Variants in CC2D2B observed in about 807,000 individuals in gnomAD.
The protein encoded by CC2D2B is coiled-coil and C2 domain containing 2B, also known as protein CC2D2B.
A neutral mutation model predicts 161.2 loss-of-function variants in CC2D2B; 128 were observed. That is an observed-to-expected ratio of 0.79 (90% CI 0.69 to 0.92). The LOEUF (loss-of-function observed/expected upper bound fraction) is 0.92, where lower values mean the gene tolerates loss of function less well. CC2D2B is among the 40% of genes least tolerant of loss of function. The pLI, the probability that CC2D2B is intolerant of heterozygous loss-of-function variation, is 0.00. For missense variants in CC2D2B, 1,173 were observed against 1,375.1 expected, an observed-to-expected ratio of 0.85 and a Z score of 2.32; for synonymous variants, 391 against 449.8, an observed-to-expected ratio of 0.87 and a Z score of 1.65.
chr10:95,908,388 T>G (rs2098499838), intron 1 of CC2D2B, among the ~76,000 whole-genome samples: 1 of 152,174 alleles, frequency 6.6e-6, no homozygotes, highest in Non-Finnish European at 1.5e-5. Flanking sequence ...AAGATGAACT[T>G]GGAAGGTAGA....
chr10:95,944,048 T>C (rs2076112382), intron 9 of CC2D2B, among the ~76,000 whole-genome samples: 1 of 152,160 alleles, frequency 6.6e-6, no homozygotes. Flanking sequence ...TTTTGTTTTA[T>C]TGGCTTGTTT....
At chr10:95,955,518 C>G in intron 11 of CC2D2B, 27 bp downstream of exon 11, 1 of 397,874 alleles carries the variant, frequency 2.5e-6, no homozygotes. Context: ...TCATGTTCAT[C>G]AAGCATTCAT....
chr10:95,918,404 T>C (rs1047399097), intron 2 of CC2D2B, among the ~76,000 whole-genome samples: 1 of 152,228 alleles, frequency 6.6e-6, no homozygotes, highest in South Asian at 2.1e-4. Flanking sequence ...AGGATAAAAA[T>C]TTTTTCCTTC....
chr10:96,005,811 T>C (rs977644843), intron 25 of CC2D2B, among the ~76,000 whole-genome samples: 5 of 152,172 alleles, frequency 3.3e-5, no homozygotes, highest in Non-Finnish European at 7.4e-5. Flanking sequence ...ACTGAAACTC[T>C]AACAAAAATC....
intron 33 of CC2D2B, among the ~76,000 whole-genome samples, chr10:96,026,537 C>T (rs1276652507): frequency 1.3e-5 from 2 of 152,124 alleles, no homozygotes; most frequent in East Asian, 3.8e-4. Flanking sequence ...TTCTTGGAAA[C>T]AAAATGTCCA....
chr10:95,946,041 C>T (rs992770863), intron 9 of CC2D2B, among the ~76,000 whole-genome samples: 1 of 152,148 alleles, frequency 6.6e-6, no homozygotes, highest in African/African-American at 2.4e-5. Context: ...CGCCCAGCCT[C>T]CCAAAGTGCT....
At chr10:96,021,102 A>G (rs567062729) in intron 32 of CC2D2B, 2 of 152,360 alleles carry the variant, frequency 1.3e-5, no homozygotes, top group Admixed American at 1.3e-4. Flanking sequence ...GCAAAAAAAA[A>G]TGTGTGATCA....
At chr10:96,009,636 A>C (rs914392747) in intron 25 of CC2D2B, among the ~76,000 whole-genome samples, 189 bp from the exon 26 acceptor site, 6 of 152,188 alleles carry the variant, frequency 3.9e-5, no homozygotes, top group African/African-American at 1.2e-4. Flanking sequence ...TTTCTCTCAG[A>C]CTATTATTTT....
chr10:95,933,852 CA>C (rs1175236960), intron 6 of CC2D2B, among the ~76,000 whole-genome samples: 2 of 152,180 alleles, frequency 1.3e-5, no homozygotes, highest in African/African-American at 4.8e-5. Context: ...TCAGGAGGCA[CA>C]GGGGTCAGGG....
rs775303258 is a variant in CC2D2B at position 96,032,056 on chromosome 10, C to T, written c.*48C>T. The T allele has an allele frequency of 7.1e-7, 1 of 1,405,844 alleles. No individual in the cohort carries two copies. Among genetic ancestry groups the T allele is most frequent in the African/African-American group, 1.4e-5 (1 of 69,530 alleles). The allele number at this position is 1,405,844 out of a possible 1,614,324, so 87.1% of individuals were successfully genotyped here. On this transcript the variant is annotated 3_prime_UTR_variant, in exon 35 of 35. Transcript: ENST00000646931. The stretch of plus-strand genomic sequence containing the variant: ...AGATTGTACTATAGTCCTCTAGTAC[C>T]AACAAAAACTTTTCTGGTACCTTGA...
At chr10:95,983,075 T>C (rs1485917854) in intron 18 of CC2D2B, among the ~76,000 whole-genome samples, 5 of 152,150 alleles carry the variant, frequency 3.3e-5, no homozygotes, top group Non-Finnish European at 7.4e-5. Flanking sequence ...CCCAGCCTAC[T>C]GTAGTTATTC....
intron 6 of CC2D2B, among the ~76,000 whole-genome samples, chr10:95,929,129 T>A (rs1564589228): frequency 6.6e-6 from 1 of 152,240 alleles, no homozygotes; most frequent in East Asian, 1.9e-4. Flanking sequence ...GTGGCTTTGA[T>A]TTGCATTTCT....
chr10:95,980,000 C>G (rs1052644613), intron 17 of CC2D2B, among the ~76,000 whole-genome samples: 1 of 152,206 alleles, frequency 6.6e-6, no homozygotes, highest in East Asian at 1.9e-4. Flanking sequence ...TTAAAGCTCG[C>G]CTCTTTCTTG....
At position 95,961,827 on chromosome 10, in the gene CC2D2B, A is replaced by T; in HGVS notation, c.1110-2A>T. The T allele has an allele frequency of 8.1e-7, 1 of 1,231,406 alleles. No homozygotes were observed. The highest frequency in any genetic ancestry group is 1.0e-6 in the Non-Finnish European group (1 of 987,442). 76.3% of individuals were successfully genotyped at this position (1,231,406 alleles called of 1,614,324 possible). On this transcript the variant is annotated splice_acceptor_variant, in intron 11 of 34. Transcript: ENST00000646931. LOFTEE classifies it high-confidence loss of function. ...ATTTTTGCTCTGCCATTTTTGTTGT[A>T]GTAATACAAAACAGATGTATGACTT...
chr10:96,017,546 A>T (rs1315008984), intron 30 of CC2D2B, among the ~76,000 whole-genome samples: 5 of 152,142 alleles, frequency 3.3e-5, no homozygotes, highest in African/African-American at 1.2e-4. Flanking sequence ...GAGCACAGTG[A>T]CCAAGAGCAA....
intron 24 of CC2D2B, chr10:96,000,766 TTTTC>T (rs2078456758): frequency 1.3e-5 from 2 of 152,228 alleles, no homozygotes; most frequent in Admixed American, 1.3e-4. Flanking sequence ...TGACTTTTCA[TTTTC>T]TTTATGATGC....
chr10:95,948,182 G>C (rs1270804559), intron 9 of CC2D2B, among the ~76,000 whole-genome samples: 1 of 150,198 alleles, frequency 6.7e-6, no homozygotes, highest in Non-Finnish European at 1.5e-5. Flanking sequence ...AACCAAAAAA[G>C]AGCCCGCATC....
chr10:95,980,746 A>G (rs1312440777), intron 17 of CC2D2B, among the ~76,000 whole-genome samples: 1 of 152,204 alleles, frequency 6.6e-6, no homozygotes, highest in African/African-American at 2.4e-5. Flanking sequence ...TCATCAAAGA[A>G]ATATGAACAA....
At chr10:95,917,141 C>A (rs1312157701) in intron 2 of CC2D2B, among the ~76,000 whole-genome samples, 2 of 151,986 alleles carry the variant, frequency 1.3e-5, no homozygotes, top group Non-Finnish European at 2.9e-5. Flanking sequence ...TATATCATGA[C>A]CTTCTTTGTC....
Sources: allele counts gnomAD v4.1 joint callset (sites outside exome capture counted in the v4.1 genomes callset), GRCh38; gene constraint gnomAD v4.1.1; transcripts MANE v1.5; gene names NCBI Gene and HGNC (gene_info 2026-07-23, HGNC 2026-07-21).